MYRIP: variants seen among roughly 807,000 people sequenced by gnomAD.
The protein encoded by MYRIP is rab effector MyRIP.
MYRIP carries 49 observed loss-of-function variants against 98.0 expected under a neutral mutation model. The ratio of observed to expected loss-of-function variants is 0.50; its 90% CI spans 0.40 to 0.63. The LOEUF (loss-of-function observed/expected upper bound fraction) is 0.63, where lower values mean the gene tolerates loss of function less well. MYRIP is among the 30% of genes least tolerant of loss of function. The probability of loss-of-function intolerance (pLI) is 0.00; values close to 1 mark genes in which losing one functional copy is unlikely to be tolerated. For synonymous variants in MYRIP, 404 were observed against 409.5 expected, an observed-to-expected ratio of 0.99 and a Z score of 0.16; for missense variants, 1,004 against 1,058.2, an observed-to-expected ratio of 0.95 and a Z score of 0.71.
chr3:39,905,294 C>T (rs1943851956), intron 2 of MYRIP, among the ~76,000 whole-genome samples: 1 of 152,226 alleles, frequency 6.6e-6, no homozygotes, highest in South Asian at 2.1e-4. Flanking sequence ...CTTTAGACCT[C>T]CTGGCATGAC....
At chr3:40,152,746 T>C (rs760952351) in intron 4 of MYRIP, among the ~76,000 whole-genome samples, 17 of 152,182 alleles carry the variant, frequency 1.1e-4, no homozygotes, top group Non-Finnish European at 2.2e-4. Flanking sequence ...TGGTAGCTTG[T>C]TTATCTGTGT....
chr3:40,065,997 G>A (rs754287146), intron 3 of MYRIP, among the ~76,000 whole-genome samples: 1 of 152,188 alleles, frequency 6.6e-6, no homozygotes, highest in Non-Finnish European at 1.5e-5. Context: ...TGATAGCTCA[G>A]ATCTGCTCCT....
chr3:39,970,149 T>A (rs1031675920), intron 2 of MYRIP: 2 of 152,128 alleles, frequency 1.3e-5, no homozygotes, highest in African/African-American at 4.8e-5. Flanking sequence ...GCAATTGTTG[T>A]AGCCAATGAG....
chr3:39,886,885 C>T (rs1178351004), intron 1 of MYRIP, among the ~76,000 whole-genome samples: 1 of 152,106 alleles, frequency 6.6e-6, no homozygotes, highest in East Asian at 1.9e-4. Context: ...ACAGAATATA[C>T]ATTGTTTTCA....
intron 1 of MYRIP, among the ~76,000 whole-genome samples, chr3:39,819,483 C>T (rs145426493): frequency 1.3e-5 from 2 of 152,342 alleles, no homozygotes; most frequent in Non-Finnish European, 2.9e-5. Context: ...GCACATCTGT[C>T]CAGCTCTGCC....
At chr3:40,098,659 C>T (rs1948876553) in intron 3 of MYRIP, among the ~76,000 whole-genome samples, 1 of 151,274 alleles carries the variant, frequency 6.6e-6, no homozygotes, top group Non-Finnish European at 1.5e-5. Flanking sequence ...ATATTCTGTC[C>T]CCTTCTCTTT....
chr3:40,219,353 A>T (rs1952250474), intron 11 of MYRIP, among the ~76,000 whole-genome samples: 1 of 152,172 alleles, frequency 6.6e-6, no homozygotes, highest in Admixed American at 6.5e-5. Flanking sequence ...TTATTATCAT[A>T]GTTTAAGTTT....
At chr3:40,038,425 G>C (rs1947431861) in intron 2 of MYRIP, among the ~76,000 whole-genome samples, 1 of 151,956 alleles carries the variant, frequency 6.6e-6, no homozygotes, top group African/African-American at 2.4e-5. Flanking sequence ...TTGCAATGGA[G>C]GACTAATAAA....
At chr3:39,950,793 C>G (rs1944994865) in intron 2 of MYRIP, among the ~76,000 whole-genome samples, 1 of 152,142 alleles carries the variant, frequency 6.6e-6, no homozygotes, top group Non-Finnish European at 1.5e-5. Flanking sequence ...ATATTATATG[C>G]TATTTGTCAT....
intron 3 of MYRIP, among the ~76,000 whole-genome samples, chr3:40,090,190 G>C (rs1202885738): frequency 6.6e-6 from 1 of 152,004 alleles, no homozygotes; most frequent in Admixed American, 6.6e-5. Context: ...TGATCTTTCT[G>C]GGCCTCATCT....
At chr3:39,979,309 T>C (rs866556187) in intron 2 of MYRIP, among the ~76,000 whole-genome samples, 81 of 152,104 alleles carry the variant, frequency 5.3e-4, no homozygotes, top group African/African-American at 1.8e-3. Context: ...TTTAATGAGT[T>C]TGTCCCTCTT....
chr3:39,940,481 T>G (rs1944758541), intron 2 of MYRIP, among the ~76,000 whole-genome samples: 1 of 152,178 alleles, frequency 6.6e-6, no homozygotes, highest in Non-Finnish European at 1.5e-5. Flanking sequence ...GAATTTTGAA[T>G]GTTGTACTAG....
chr3:39,875,453 T>C lies in MYRIP; in HGVS notation c.-30-25334T>C, dbSNP rs866771249. Among the ~76,000 whole-genome samples, 70 of 151,972 alleles carry C rather than the reference T, an allele frequency of 4.6e-4. 1 individual carries two copies. Among genetic ancestry groups the C allele is most frequent in the Admixed American group, 7.2e-4 (11 of 15,276 alleles). ...ATGTTAGGGTGTCAATTTTGGATCT[T>C]TCCTGCTTTCTCTTGTGGGCATTTA... On this transcript the variant is annotated intron_variant, in intron 1 of 16. Coordinates refer to ENST00000302541, the MANE Select transcript of MYRIP (RefSeq NM_015460.4).
intron 2 of MYRIP, among the ~76,000 whole-genome samples, chr3:39,997,453 C>T (rs200628627): frequency 0.015 from 2,285 of 151,268 alleles, 51 homozygotes; most frequent in African/African-American, 0.051. Flanking sequence ...ATAAATTCCT[C>T]GACACATACA....
chr3:40,144,710 T>C (rs1005830503), intron 3 of MYRIP, among the ~76,000 whole-genome samples: 1 of 152,274 alleles, frequency 6.6e-6, no homozygotes, highest in African/African-American at 2.4e-5. Flanking sequence ...GTATTTCCTT[T>C]ATTTTCTGTT....
At chr3:39,890,099 A>G (rs1235738590) in intron 1 of MYRIP, among the ~76,000 whole-genome samples, 2 of 151,336 alleles carry the variant, frequency 1.3e-5, no homozygotes, top group Non-Finnish European at 2.9e-5. Flanking sequence ...TCATCTCTCC[A>G]TTTCCTTCTT....
intron 1 of MYRIP, among the ~76,000 whole-genome samples, chr3:39,896,014 G>C (rs771167303): frequency 2.6e-5 from 4 of 152,104 alleles, no homozygotes; most frequent in African/African-American, 4.8e-5. Flanking sequence ...GTCAATAAAT[G>C]GTGTTAGGAC....
At chr3:40,119,009 T>G (rs1219639337) in intron 3 of MYRIP, among the ~76,000 whole-genome samples, 2 of 152,052 alleles carry the variant, frequency 1.3e-5, no homozygotes, top group Non-Finnish European at 2.9e-5. Flanking sequence ...TTCCAAGTCT[T>G]TGCTATTATG....
At chr3:40,186,071 GT>G (rs1448755750) in intron 9 of MYRIP, among the ~76,000 whole-genome samples, 3 of 152,176 alleles carry the variant, frequency 2.0e-5, no homozygotes, top group African/African-American at 7.2e-5. Flanking sequence ...TAGTTTGAGT[GT>G]TAAGAAATGA....
Sources: allele counts gnomAD v4.1 joint callset (sites outside exome capture counted in the v4.1 genomes callset), GRCh38; gene constraint gnomAD v4.1.1; transcripts MANE v1.5; gene names NCBI Gene and HGNC (gene_info 2026-07-23, HGNC 2026-07-21).